Variants in CCDC88C observed in about 807,000 individuals in gnomAD.
The protein encoded by CCDC88C is coiled-coil and HOOK domain protein 88C.
CCDC88C carries 131 observed loss-of-function variants against 198.8 expected under a neutral mutation model. That is an observed-to-expected ratio of 0.66 (90% CI 0.57 to 0.76). The LOEUF (loss-of-function observed/expected upper bound fraction) is 0.76. Among genes scored for constraint, CCDC88C ranks in the 30% least tolerant of loss-of-function variants. The pLI is 0.00. For missense variants in CCDC88C, 2,553 were observed against 2,631.6 expected (o/e 0.97, Z 0.65); for synonymous variants, 1,166 against 1,114.7 (o/e 1.05, Z -0.92).
chr14:91,313,930 C>T lies in CCDC88C; in HGVS notation c.1886G>A (p.Arg629Gln), dbSNP rs369303930. Reference sequence around the variant, plus strand: ...TAGCTCCCTCTCCAGCTTCTCTGCCCGCTCCCCCTTCTCCTTGGCCTGCTC... The same window carrying T: ...TAGCTCCCTCTCCAGCTTCTCTGCCTGCTCCCCCTTCTCCTTGGCCTGCTC... Reference protein sequence around the residue: ...DLEQAKEKGERAEKLERELQR... With the variant: ...DLEQAKEKGEQAEKLERELQR... The change falls in exon 15 of 30, where the codon CGG (arginine) becomes CAG (glutamine). Residue 629 changes from arginine (R) to glutamine (Q), a missense_variant. Physicochemically the swap from Arg to Gln is conservative, Grantham distance 43. Transcript: ENST00000389857. The surrounding 1 kb of genome is among the most constrained non-coding windows in gnomAD (Gnocchi z 5.2). 246 of 1,612,810 alleles carry T rather than the reference C, an allele frequency of 1.5e-4. No individual in the cohort carries two copies. The highest frequency in any genetic ancestry group is 2.0e-4 in the Non-Finnish European group (235 of 1,179,810).
chr14:91,397,033 A>T lies in CCDC88C; in HGVS notation c.270+11626T>A, dbSNP rs566960065. Reference sequence around the variant, plus strand: ...CAAAAAAAAAAGAAAGAAAGAAAAAAACTTGAGCAAACGGTGAAAAAATCA... The same window carrying T: ...CAAAAAAAAAAGAAAGAAAGAAAAATACTTGAGCAAACGGTGAAAAAATCA... On this transcript the variant is annotated intron_variant, in intron 3 of 29. Transcript: ENST00000389857. Among the ~76,000 whole-genome samples the T allele has an allele frequency of 2.3e-3, 347 of 152,322 alleles. 1 individual carries two copies. Among genetic ancestry groups the T allele is most frequent in the Non-Finnish European group, 3.5e-3 (240 of 68,036 alleles).
intron 3 of CCDC88C, among the ~76,000 whole-genome samples, chr14:91,363,553 T>C (rs965620443): frequency 6.6e-6 from 1 of 152,156 alleles, no homozygotes. Context: ...GTTCATTTGT[T>C]GGAGGTATAA....
chr14:91,349,379 C>G (rs1200358014), intron 4 of CCDC88C, among the ~76,000 whole-genome samples: 1 of 152,196 alleles, frequency 6.6e-6, no homozygotes, highest in Non-Finnish European at 1.5e-5. Flanking sequence ...CAGGGAACAG[C>G]ACATGCGAAG....
rs557035493 is a variant in CCDC88C at position 91,316,192 on chromosome 14, T to C, written c.1528-405A>G. Among the ~76,000 whole-genome samples the C allele has an allele frequency of 1.4e-4, 22 of 152,290 alleles. No individual in the cohort carries two copies. In the South Asian group the frequency reaches 4.6e-3, roughly 32 times the overall value. ...TTCCTCTTTCACCTCCATGGAAATG[T>C]GTCACCAAGCCCTGTCCTTCTTACC... On this transcript the variant is annotated intron_variant, in intron 13 of 29. Transcript: ENST00000389857.
intron 12 of CCDC88C, among the ~76,000 whole-genome samples, chr14:91,321,751 T>C (rs1171262312): frequency 6.6e-6 from 1 of 152,136 alleles, no homozygotes; most frequent in Non-Finnish European, 1.5e-5. Flanking sequence ...TGGCCATGGG[T>C]GGTAGAAAGC....
At chr14:91,335,361 C>T (rs1475118044) in intron 10 of CCDC88C, among the ~76,000 whole-genome samples, 1 of 152,154 alleles carries the variant, frequency 6.6e-6, no homozygotes, top group African/African-American at 2.4e-5. Flanking sequence ...TCCAGCCTCA[C>T]CTCTCACCGT....
At chr14:91,318,130 A>T (rs1892185846) in intron 13 of CCDC88C, among the ~76,000 whole-genome samples, 1 of 152,170 alleles carries the variant, frequency 6.6e-6, no homozygotes, top group Admixed American at 6.5e-5. Flanking sequence ...TAAGAAACCA[A>T]AACACTGAGT....
chr14:91,417,090 G>A (rs1293361370), intron 1 of CCDC88C: 6 of 702,672 alleles, frequency 8.5e-6, no homozygotes, highest in Admixed American at 2.0e-5. Context: ...CAGAGCGGAA[G>A]AAATAAAAAT....
chr14:91,416,674 C>T, intron 2 of CCDC88C, 64 bp downstream of exon 2: 5 of 1,244,848 alleles, frequency 4.0e-6, no homozygotes, highest in Non-Finnish European at 5.8e-6. Context: ...CCTTCCACTC[C>T]ATTTCTACTC....
At chr14:91,297,213 C>A in intron 22 of CCDC88C, 92 bp downstream of exon 22, 1 of 1,287,084 alleles carries the variant, frequency 7.8e-7, no homozygotes, top group South Asian at 1.4e-5. Flanking sequence ...CACAAATGCC[C>A]ATGAGGACCC....
intron 24 of CCDC88C, 126 bp downstream of exon 24, chr14:91,290,869 A>C: frequency 1.6e-6 from 1 of 635,342 alleles, no homozygotes; most frequent in South Asian, 1.9e-5. Flanking sequence ...ACTCTCTCTG[A>C]TGTGGGAGGC....
chr14:91,297,778 C>T (rs1407168304), intron 21 of CCDC88C, among the ~76,000 whole-genome samples: 1 of 152,202 alleles, frequency 6.6e-6, no homozygotes, highest in Non-Finnish European at 1.5e-5. Context: ...CCTGTTTCAA[C>T]ACAGCATCAC....
At chr14:91,333,255 G>A (rs1198951547) in intron 10 of CCDC88C, among the ~76,000 whole-genome samples, 1 of 152,188 alleles carries the variant, frequency 6.6e-6, no homozygotes, top group African/African-American at 2.4e-5. Flanking sequence ...TATACTTACT[G>A]TACCCTGTTG....
rs1443362657 is a variant in CCDC88C, at chr14:91,389,084, TAC to T, written c.270+19573_270+19574del. ...ACATGAGGTTCAAGGGAAACTGAAGTACACAGAGACACTCCTGTCCCCCACCT... is the reference window on the plus strand; with the variant it reads ...ACATGAGGTTCAAGGGAAACTGAAGTACAGAGACACTCCTGTCCCCCACCT... On this transcript the variant is annotated intron_variant, in intron 3 of 29. Transcript: ENST00000389857. Among the ~76,000 whole-genome samples the T allele has an allele frequency of 1.7e-4, 26 of 152,154 alleles. 1 individual carries two copies. The highest frequency in any genetic ancestry group is 1.7e-3 in the Admixed American group (26 of 15,282).
intron 24 of CCDC88C, among the ~76,000 whole-genome samples, chr14:91,290,011 C>T (rs1274317009): frequency 1.3e-5 from 2 of 152,126 alleles, no homozygotes; most frequent in Non-Finnish European, 2.9e-5. Flanking sequence ...TGGCTCACGC[C>T]TGTAACCCCA....
chr14:91,376,526 T>C (rs1884426245), intron 3 of CCDC88C, among the ~76,000 whole-genome samples: 1 of 152,094 alleles, frequency 6.6e-6, no homozygotes, highest in African/African-American at 2.4e-5. Flanking sequence ...AGCCCACAGG[T>C]GGGAACACAG....
intron 4 of CCDC88C, among the ~76,000 whole-genome samples, chr14:91,345,546 T>C (rs1411167257): frequency 6.6e-6 from 1 of 152,162 alleles, no homozygotes; most frequent in Non-Finnish European, 1.5e-5. Flanking sequence ...GCTAATTCTT[T>C]ATGCATTCCC....
chr14:91,302,708 A>G (rs1164812971), intron 20 of CCDC88C, among the ~76,000 whole-genome samples: 1 of 152,234 alleles, frequency 6.6e-6, no homozygotes, highest in Non-Finnish European at 1.5e-5. Flanking sequence ...TGCATGATGC[A>G]TACACAAGAG....
intron 3 of CCDC88C, among the ~76,000 whole-genome samples, chr14:91,374,563 T>C (rs61032970): frequency 0.07 from 10,622 of 151,650 alleles, 886 homozygotes; most frequent in African/African-American, 0.21. Context: ...GTGAGCCAGG[T>C]GGACGGGTGG....
Sources: gnomAD v4.1 joint callset for allele counts (sites outside exome capture counted in the v4.1 genomes callset) on GRCh38, gnomAD v4.1.1 for gene constraint, Gnocchi (gnomAD v3.1) non-coding constraint, MANE v1.5 for transcripts, NCBI Gene and HGNC (gene_info 2026-07-23, HGNC 2026-07-21) for gene names.